The following FBN2 variants were observed in gnomAD, a reference collection of about 807,000 sequenced individuals.
FBN2 encodes fibrillin-2.
In FBN2, 105 loss-of-function variants were observed where a neutral mutation model predicts 355.6. The ratio of observed to expected loss-of-function variants is 0.30; its 90% CI spans 0.25 to 0.35. The LOEUF (loss-of-function observed/expected upper bound fraction) is 0.35, where lower values mean the gene tolerates loss of function less well. Among genes scored for constraint, FBN2 ranks in the 10% least tolerant of loss-of-function variants. FBN2 has a pLI of 1.00. For synonymous variants in FBN2, 1,350 were observed against 1,301.2 expected (o/e 1.04, Z -0.81); for missense variants, 3,280 against 3,758.7 (o/e 0.87, Z 3.33).
chr5:128,464,824 G>T lies in FBN2; in HGVS notation c.726C>A (p.Thr242=). The T allele has an allele frequency of 1.2e-6, 2 of 1,614,232 alleles. No individual in the cohort carries two copies. The highest frequency in any genetic ancestry group is 1.7e-6 in the Non-Finnish European group (2 of 1,180,040). Residue 242 remains threonine (T), a synonymous_variant, in exon 6 of 65, where the codon ACC becomes ACA. Coordinates refer to ENST00000262464, the MANE Select transcript of FBN2 (RefSeq NM_001999.4). ...IVCTKTLCCA[T]IGRAWGHPCE... Reference sequence around the variant, plus strand: ...AGGGATGGCCCCACGCCCGTCCAATGGTGGCACAGCACAGAGTCTTCGTGC... The same window carrying T: ...AGGGATGGCCCCACGCCCGTCCAATTGTGGCACAGCACAGAGTCTTCGTGC...
At chr5:128,374,820 GC>G in intron 14 of FBN2, 70 bp from the exon 15 acceptor site, 1 of 1,537,492 alleles carries the variant, frequency 6.5e-7, no homozygotes. Context: ...TTTACTTGCA[GC>G]CACTGCTCTA....
chr5:128,500,656 G>T (rs1019256989), intron 5 of FBN2, among the ~76,000 whole-genome samples: 2 of 151,794 alleles, frequency 1.3e-5, no homozygotes, highest in Non-Finnish European at 2.9e-5. Context: ...ATGTTAGCCA[G>T]GATGGTCTCG....
intron 25 of FBN2, among the ~76,000 whole-genome samples, chr5:128,343,648 G>A (rs1015949494): frequency 6.6e-6 from 1 of 152,160 alleles, no homozygotes; most frequent in Non-Finnish European, 1.5e-5. Context: ...AGAATGTTAT[G>A]GGTATGGATG....
rs3828665 is a variant in FBN2, at chr5:128,454,127, C to T, written c.827-7521G>A. The stretch of plus-strand genomic sequence containing the variant: ...GCTCTCTGCTCTTAGTAGGTTCAAA[C>T]ACCTTTCAGGATTATGACACTCAGA... On this transcript the variant is annotated intron_variant, in intron 6 of 64. Transcript: ENST00000262464. Among the ~76,000 whole-genome samples, 47 of 152,266 alleles carry T rather than the reference C, an allele frequency of 3.1e-4. No individual in the cohort carries two copies. In the East Asian group the frequency reaches 8.7e-3, roughly 28 times the overall value.
chr5:128,311,566 T>C, intron 38 of FBN2, 141 bp from the exon 39 acceptor site: 1 of 873,556 alleles, frequency 1.1e-6, no homozygotes, highest in Non-Finnish European at 1.8e-6. Context: ...GGCAAGTTTA[T>C]TCTGCTCAAA....
chr5:128,319,092 C>T (rs781655600), intron 34 of FBN2, 91 bp from the exon 35 acceptor site: 1 of 1,070,590 alleles, frequency 9.3e-7, no homozygotes, highest in Non-Finnish European at 1.4e-6. Context: ...TTTCTGCCCC[C>T]TCAGATGTTT....
chr5:128,350,379 C>G (rs546643413), intron 21 of FBN2, among the ~76,000 whole-genome samples: 1 of 152,052 alleles, frequency 6.6e-6, no homozygotes, highest in Admixed American at 6.6e-5. Context: ...GGTGAAACCC[C>G]GTCTCTACTA....
At chr5:128,310,385 TATATATATATA>T (rs1561763439) in intron 39 of FBN2, among the ~76,000 whole-genome samples, 3 of 13,482 alleles carry the variant, frequency 2.2e-4, no homozygotes, top group African/African-American at 8.0e-4. Flanking sequence ...TATATATATA[TATATATATATA>T]TATATATTTT....
At chr5:128,476,693 C>T (rs533826056) in intron 5 of FBN2, among the ~76,000 whole-genome samples, 3 of 151,976 alleles carry the variant, frequency 2.0e-5, no homozygotes, top group African/African-American at 7.2e-5. Flanking sequence ...AGAACATAAT[C>T]AAAAAGCGTG....
chr5:128,453,611 G>A (rs569213140), intron 6 of FBN2, among the ~76,000 whole-genome samples: 5 of 152,004 alleles, frequency 3.3e-5, no homozygotes, highest in South Asian at 2.1e-4. Flanking sequence ...GTTCATACCC[G>A]CCTTTTACTT....
chr5:128,408,855 TA>T (rs1405941115), intron 7 of FBN2, 56 bp from the exon 8 acceptor site: 2 of 1,604,400 alleles, frequency 1.2e-6, no homozygotes, highest in African/African-American at 1.3e-5. Context: ...AAATAGCTTT[TA>T]AAAGAGATTT....
In FBN2 at chr5:128,418,313, C is replaced by G. The variant is rs184330981; in HGVS notation, c.953-9514G>C. 3.8e-4 allele frequency among the ~76,000 whole-genome samples: 57 copies of G among 151,938 alleles called. 1 individual carries two copies. Among genetic ancestry groups the G allele is most frequent in the Admixed American group, 3.4e-3 (52 of 15,256 alleles). ...AAAACCAACTTTTCATTTTGTTGAT[C>G]CTTTGTATTGTTTTTTCAGTCTCTA... On this transcript the variant is annotated intron_variant, in intron 7 of 64. Coordinates refer to ENST00000262464, the MANE Select transcript of FBN2 (RefSeq NM_001999.4).
chr5:128,428,218 T>TAATAAGTAACAAG (rs1162185771), intron 7 of FBN2, among the ~76,000 whole-genome samples: 1 of 152,144 alleles, frequency 6.6e-6, no homozygotes, highest in African/African-American at 2.4e-5. Flanking sequence ...GTTCCCTTAT[T>TAATAAGTAACAAG]ATCTTGTTAC....
intron 3 of FBN2, among the ~76,000 whole-genome samples, chr5:128,529,512 C>A (rs1022466059): frequency 2.0e-5 from 3 of 152,108 alleles, no homozygotes; most frequent in Admixed American, 6.5e-5. Context: ...TTGCCCAAGG[C>A]CAAATGAATG....
chr5:128,328,675 G>A (rs752051580), intron 34 of FBN2, 21 bp downstream of exon 34: 18 of 1,613,670 alleles, frequency 1.1e-5, no homozygotes, highest in Non-Finnish European at 1.4e-5. Context: ...TTGAAAATGA[G>A]TTGGAATCCT....
chr5:128,393,192 C>T lies in FBN2; in HGVS notation c.1408G>A (p.Gly470Ser), dbSNP rs1483377622. 1 of 1,614,074 alleles carries T rather than the reference C, an allele frequency of 6.2e-7. No individual in the cohort carries two copies. The highest frequency in any genetic ancestry group is 8.5e-7 in the Non-Finnish European group (1 of 1,180,030). Residue 470 changes from glycine (G) to serine (S), a missense_variant, in exon 10 of 65, where the codon GGC becomes AGC. By Grantham distance (56) the Gly-to-Ser change is moderately conservative (BLOSUM62 0). Transcript: ENST00000262464. ...PIPGGNGFSP[G>S]VGGAGVGAGG... ...GCCCCCACACCGGCTCCCCCAACGC[C>T]AGGAGAAAAGCCATTGCCTCCAGGG...
intron 30 of FBN2, 73 bp downstream of exon 30, chr5:128,335,097 T>C (rs1750799145): frequency 6.3e-7 from 1 of 1,593,402 alleles, no homozygotes; most frequent in South Asian, 1.1e-5. Context: ...CTTCCTTTTA[T>C]CACGCTTGTG....
intron 8 of FBN2, among the ~76,000 whole-genome samples, chr5:128,405,997 T>C (rs1039754131): frequency 6.6e-6 from 1 of 152,208 alleles, no homozygotes; most frequent in Non-Finnish European, 1.5e-5. Flanking sequence ...AATCTATACC[T>C]ATTCCAAGCT....
rs1348263135 is a variant in FBN2, at chr5:128,318,928, G to A, written c.4545C>T (p.Cys1515=). ...CCAATTCATAACCATCATCGCAGAT[G>A]CAATGAAACATTCCAGGCAGGTTAT... ...TCNNLPGMFH[C]ICDDGYELDR... Residue 1515 remains cysteine, a synonymous_variant, in exon 35 of 65, where the codon TGC becomes TGT. Coordinates refer to ENST00000262464, the MANE Select transcript of FBN2 (RefSeq NM_001999.4). 1 of 1,612,766 alleles carries A rather than the reference G, an allele frequency of 6.2e-7. No homozygotes were observed. Among genetic ancestry groups the A allele is most frequent in the Admixed American group, 1.7e-5 (1 of 59,996 alleles).
Sources: allele counts gnomAD v4.1 joint callset (sites outside exome capture counted in the v4.1 genomes callset), GRCh38; gene constraint gnomAD v4.1.1; transcripts MANE v1.5; gene names NCBI Gene and HGNC (gene_info 2026-07-23, HGNC 2026-07-21).